The following PRKG1 variants were observed in gnomAD, a reference collection of about 807,000 sequenced individuals.
PRKG1 encodes the protein protein kinase cGMP-dependent 1, also known as cGMP-dependent protein kinase 1.
Under a neutral mutation model 88.1 loss-of-function variants are expected in PRKG1, and 35 were observed. The ratio of observed to expected loss-of-function variants is 0.40; its 90% CI spans 0.30 to 0.53. The LOEUF (loss-of-function observed/expected upper bound fraction) is 0.53. Among genes scored for constraint, PRKG1 ranks in the 20% least tolerant of loss-of-function variants. The pLI, the probability that PRKG1 is intolerant of heterozygous loss-of-function variation, is 0.59. For missense variants in PRKG1, 540 were observed against 839.8 expected (o/e 0.64, Z 4.41); for synonymous variants, 303 against 292.5 (o/e 1.04, Z -0.37).
At chr10:52,241,733 T>C (rs1278567253) in intron 9 of PRKG1, among the ~76,000 whole-genome samples, 1 of 152,128 alleles carries the variant, frequency 6.6e-6, no homozygotes, top group Non-Finnish European at 1.5e-5. Context: ...AAGCCAGAAA[T>C]AAAAGCTGAC....
At chr10:51,238,238 A>T (rs1415583393) in intron 2 of PRKG1, among the ~76,000 whole-genome samples, 1 of 152,176 alleles carries the variant, frequency 6.6e-6, no homozygotes. Flanking sequence ...TGGGCATCGA[A>T]CTTTCATCGT....
In PRKG1 at chr10:51,464,841, A is replaced by G. The variant is rs569999079; in HGVS notation, c.479-2882A>G. Among the ~76,000 whole-genome samples, 4 of 146,552 alleles carry G rather than the reference A, an allele frequency of 2.7e-5. No homozygotes were observed. In the East Asian group the frequency reaches 8.2e-4, roughly 30 times the overall value. ...GGGAGGCGGAGCTTGCAGTGAGCCG[A>G]GATCCCGCCACTGCACTCCAGCCTG... On this transcript the variant is annotated intron_variant, in intron 2 of 17. Transcript: ENST00000373980.
intron 5 of PRKG1, among the ~76,000 whole-genome samples, chr10:52,035,715 C>T (rs1295025159): frequency 1.1e-4 from 17 of 151,882 alleles, no homozygotes; most frequent in East Asian, 9.7e-4. Flanking sequence ...CTGAAGGAGC[C>T]GGGGAGCAGA....
intron 2 of PRKG1, among the ~76,000 whole-genome samples, chr10:51,265,100 TA>T (rs909720066): frequency 1.3e-5 from 2 of 151,364 alleles, no homozygotes; most frequent in Non-Finnish European, 3.0e-5. Context: ...ATTCTTTTTT[TA>T]AAAAAAAAGA....
chr10:51,472,617 T>A (rs1840076095), intron 3 of PRKG1, among the ~76,000 whole-genome samples: 1 of 151,904 alleles, frequency 6.6e-6, no homozygotes, highest in Non-Finnish European at 1.5e-5. Flanking sequence ...AAGTAAGCAA[T>A]CAGATACTTT....
intron 2 of PRKG1, among the ~76,000 whole-genome samples, chr10:51,431,882 C>T (rs967027866): frequency 2.6e-5 from 4 of 151,808 alleles, no homozygotes; most frequent in African/African-American, 9.7e-5. Flanking sequence ...CAAAACAAAA[C>T]AAAGCAAAAA....
At chr10:51,919,981 G>C (rs1842428547) in intron 5 of PRKG1, among the ~76,000 whole-genome samples, 1 of 152,096 alleles carries the variant, frequency 6.6e-6, no homozygotes, top group Non-Finnish European at 1.5e-5. Flanking sequence ...CTACCCGAGT[G>C]ACCCAATGAA....
intron 8 of PRKG1, among the ~76,000 whole-genome samples, chr10:52,160,226 T>C (rs959187152): frequency 6.6e-6 from 1 of 151,930 alleles, no homozygotes; most frequent in African/African-American, 2.4e-5. Flanking sequence ...AGACATTCTA[T>C]GGGAAAGTGG....
At chr10:51,431,160 A>C (rs1838758706) in intron 2 of PRKG1, among the ~76,000 whole-genome samples, 2 of 152,202 alleles carry the variant, frequency 1.3e-5, no homozygotes, top group South Asian at 4.1e-4. Context: ...ACTGCTTTGG[A>C]CAATGGCATT....
At chr10:52,140,867 C>G (rs1250912825) in intron 8 of PRKG1, among the ~76,000 whole-genome samples, 5 of 152,142 alleles carry the variant, frequency 3.3e-5, no homozygotes. Context: ...TAGCTTGTCA[C>G]TCTGTGTCCA....
intron 2 of PRKG1, among the ~76,000 whole-genome samples, chr10:51,236,640 C>A (rs1320673606): frequency 4.0e-5 from 6 of 151,808 alleles, no homozygotes; most frequent in Non-Finnish European, 8.8e-5. Flanking sequence ...GCAGCTGAGA[C>A]TACAGGTGTG....
At chr10:51,598,502 T>C (rs978157605) in intron 3 of PRKG1, among the ~76,000 whole-genome samples, 6 of 152,196 alleles carry the variant, frequency 3.9e-5, no homozygotes, top group Admixed American at 2.0e-4. Flanking sequence ...AAGTGATCCA[T>C]CTGCCTTGGC....
chr10:51,521,440 G>A (rs1423910198), intron 3 of PRKG1, among the ~76,000 whole-genome samples: 1 of 152,182 alleles, frequency 6.6e-6, no homozygotes, highest in Non-Finnish European at 1.5e-5. Flanking sequence ...GGTGAAGGCT[G>A]TTAAATTTTG....
intron 6 of PRKG1, among the ~76,000 whole-genome samples, chr10:52,060,199 G>A (rs1475456510): frequency 6.6e-6 from 1 of 151,848 alleles, no homozygotes; most frequent in Non-Finnish European, 1.5e-5. Flanking sequence ...AATTGGTTAT[G>A]CATAGGGACA....
chr10:52,284,906 A>G (rs566628471), intron 14 of PRKG1, among the ~76,000 whole-genome samples: 2 of 152,210 alleles, frequency 1.3e-5, no homozygotes, highest in African/African-American at 2.4e-5. Flanking sequence ...GGGGCTTTGT[A>G]TGAGCCACAT....
At chr10:51,636,560 T>C (rs1208907611) in intron 3 of PRKG1, among the ~76,000 whole-genome samples, 2 of 152,174 alleles carry the variant, frequency 1.3e-5, no homozygotes, top group East Asian at 3.9e-4. Flanking sequence ...AATTACTTAA[T>C]TAACTAGTGG....
At chr10:51,259,160 A>C (rs1234418575) in intron 2 of PRKG1, among the ~76,000 whole-genome samples, 1 of 152,182 alleles carries the variant, frequency 6.6e-6, no homozygotes, top group Non-Finnish European at 1.5e-5. Context: ...GTTTCTATAT[A>C]TGTGTGTACC....
At chr10:51,477,215 C>A (rs1335454679) in intron 3 of PRKG1, among the ~76,000 whole-genome samples, 1 of 151,346 alleles carries the variant, frequency 6.6e-6, no homozygotes, top group Non-Finnish European at 1.5e-5. Flanking sequence ...CTGCTGAACT[C>A]TCTGGGGAGC....
intron 4 of PRKG1, among the ~76,000 whole-genome samples, chr10:51,867,259 G>A (rs1224322807): frequency 6.6e-6 from 1 of 152,126 alleles, no homozygotes; most frequent in Non-Finnish European, 1.5e-5. Flanking sequence ...CCTTGGAGAG[G>A]GAAGTAGCGG....
Sources: gnomAD v4.1 joint callset for allele counts (sites outside exome capture counted in the v4.1 genomes callset) on GRCh38, gnomAD v4.1.1 for gene constraint, MANE v1.5 for transcripts, NCBI Gene and HGNC (gene_info 2026-07-23, HGNC 2026-07-21) for gene names.